Variants in JAZF1 observed in about 807,000 individuals in gnomAD.
JAZF1 encodes JAZF zinc finger 1, also known as juxtaposed with another zinc finger protein 1.
Under a neutral mutation model 26.4 loss-of-function variants are expected in JAZF1, and 8 were observed. The observed-to-expected ratio is 0.30, with a 90% confidence interval of 0.18 to 0.55. The LOEUF is 0.55. JAZF1 is among the 20% of genes least tolerant of loss of function. JAZF1 has a pLI of 0.94. For missense variants in JAZF1, 199 were observed against 322.0 expected, an observed-to-expected ratio of 0.62 and a Z score of 2.92; for synonymous variants, 126 against 122.3, an observed-to-expected ratio of 1.03 and a Z score of -0.20.
At chr7:27,854,126 G>A (rs989504463) in intron 3 of JAZF1, among the ~76,000 whole-genome samples, 3 of 152,130 alleles carry the variant, frequency 2.0e-5, no homozygotes, top group Admixed American at 2.0e-4. Flanking sequence ...ATTATGTAAT[G>A]CCCTTCTTTG....
At chr7:28,019,458 G>T (rs564456702) in intron 1 of JAZF1, among the ~76,000 whole-genome samples, 1 of 152,188 alleles carries the variant, frequency 6.6e-6, no homozygotes, top group Non-Finnish European at 1.5e-5. Context: ...TTTTCATTTG[G>T]TAGATTTATT....
chr7:27,854,018 G>C (rs1397455333), intron 3 of JAZF1, among the ~76,000 whole-genome samples: 1 of 151,908 alleles, frequency 6.6e-6, no homozygotes, highest in Non-Finnish European at 1.5e-5. Context: ...ACTCTTTGTA[G>C]GTCTCTAAGA....
intron 2 of JAZF1, among the ~76,000 whole-genome samples, chr7:27,930,766 T>C (rs2128349866): frequency 6.6e-6 from 1 of 152,260 alleles, no homozygotes; most frequent in African/African-American, 2.4e-5. Context: ...TAAGAAACTA[T>C]ATTTATATCT....
intron 1 of JAZF1, among the ~76,000 whole-genome samples, chr7:28,079,451 T>A (rs10268254): frequency 1.3e-5 from 2 of 152,174 alleles, no homozygotes; most frequent in South Asian, 4.1e-4. Context: ...GACACTGATA[T>A]AGAATAAGAA....
chr7:28,048,756 A>T (rs977690820), intron 1 of JAZF1, among the ~76,000 whole-genome samples: 2 of 152,194 alleles, frequency 1.3e-5, no homozygotes, highest in African/African-American at 4.8e-5. Context: ...ATCATCCCAA[A>T]TGTCCATCAA....
intron 1 of JAZF1, among the ~76,000 whole-genome samples, chr7:28,005,127 T>G (rs1317631889): frequency 1.3e-5 from 2 of 152,186 alleles, no homozygotes; most frequent in Non-Finnish European, 2.9e-5. Flanking sequence ...TCAGTAAGGG[T>G]GTTCTGACAA....
chr7:28,047,624 A>AT (rs1190269361), intron 1 of JAZF1, among the ~76,000 whole-genome samples: 1 of 152,134 alleles, frequency 6.6e-6, no homozygotes, highest in African/African-American at 2.4e-5. Context: ...ATGGTTACTG[A>AT]TATCAGATGA....
At chr7:28,084,151 T>C (rs1270241140) in intron 1 of JAZF1, among the ~76,000 whole-genome samples, 2 of 152,076 alleles carry the variant, frequency 1.3e-5, no homozygotes, top group African/African-American at 4.8e-5. Context: ...AAAAGCCCCC[T>C]TGCAAGGGAG....
intron 1 of JAZF1, among the ~76,000 whole-genome samples, chr7:28,019,773 G>GAGT: frequency 6.6e-6 from 1 of 152,092 alleles, no homozygotes. Context: ...ACTCCTCCTT[G>GAGT]CTTTATGATA....
chr7:28,178,954 T>G (rs1583601721), intron 1 of JAZF1, among the ~76,000 whole-genome samples: 1 of 152,254 alleles, frequency 6.6e-6, no homozygotes. Flanking sequence ...AATCACATTC[T>G]AAACAGGCAT....
intron 2 of JAZF1, among the ~76,000 whole-genome samples, chr7:27,954,918 C>T (rs1227996565): frequency 1.3e-5 from 2 of 152,144 alleles, no homozygotes; most frequent in Admixed American, 6.5e-5. Context: ...CCACCATGCT[C>T]AGCTAATTTT....
chr7:27,888,112 T>G (rs941895343), intron 3 of JAZF1, among the ~76,000 whole-genome samples: 1 of 152,198 alleles, frequency 6.6e-6, no homozygotes, highest in Non-Finnish European at 1.5e-5. Flanking sequence ...CGGGTATTTA[T>G]GTGAAAAGGG....
intron 1 of JAZF1, among the ~76,000 whole-genome samples, chr7:28,120,804 T>C (rs904287026): frequency 2.0e-5 from 3 of 152,100 alleles, no homozygotes; most frequent in Non-Finnish European, 2.9e-5. Context: ...CTCCACTCCG[T>C]GCACTTGCTT....
intron 1 of JAZF1, among the ~76,000 whole-genome samples, chr7:28,142,355 G>C (rs185350716): frequency 6.6e-6 from 1 of 152,066 alleles, no homozygotes; most frequent in Non-Finnish European, 1.5e-5. Flanking sequence ...ACCACACTTC[G>C]AGAACCATTT....
chr7:27,857,943 G>C (rs1351534847), intron 3 of JAZF1, among the ~76,000 whole-genome samples: 1 of 152,208 alleles, frequency 6.6e-6, no homozygotes, highest in African/African-American at 2.4e-5. Context: ...AATAGGAAGA[G>C]AGGAAGTCAA....
intron 2 of JAZF1, among the ~76,000 whole-genome samples, chr7:27,919,696 G>A (rs1383870805): frequency 1.3e-5 from 2 of 152,196 alleles, no homozygotes; most frequent in East Asian, 3.9e-4. Context: ...AGCAAGCTCA[G>A]TTTTGTGCTA....
chr7:27,993,421 T>C (rs1047129567), intron 1 of JAZF1, among the ~76,000 whole-genome samples: 10 of 152,192 alleles, frequency 6.6e-5, no homozygotes, highest in Non-Finnish European at 1.0e-4. Flanking sequence ...AAAAAACCAC[T>C]CTTCACGGGG....
At chr7:27,984,963 G>A (rs1489129799) in intron 2 of JAZF1, among the ~76,000 whole-genome samples, 1 of 152,180 alleles carries the variant, frequency 6.6e-6, no homozygotes, top group African/African-American at 2.4e-5. Flanking sequence ...AGTGTTTAGG[G>A]GGAAATTTAT....
At position 28,139,993 on chromosome 7, in the gene JAZF1, G is replaced by A. The variant is rs1206735635; in HGVS notation, c.115+40470C>T. Among the ~76,000 whole-genome samples the A allele has an allele frequency of 3.3e-5, 5 of 152,004 alleles. No homozygotes were observed. In the East Asian group the frequency reaches 9.6e-4, roughly 29 times the overall value. On this transcript the variant is annotated intron_variant, in intron 1 of 4. Coordinates refer to ENST00000283928, the MANE Select transcript of JAZF1 (RefSeq NM_175061.4). ...GAAAGAGACGGAGGTTGGGGAGGGA[G>A]ACTAGAAAAGGTTGCAGAAAGAAGT...
Sources: gnomAD v4.1 joint callset for allele counts (sites outside exome capture counted in the v4.1 genomes callset) on GRCh38, gnomAD v4.1.1 for gene constraint, MANE v1.5 for transcripts, NCBI Gene and HGNC (gene_info 2026-07-23, HGNC 2026-07-21) for gene names.